SHC3: variants seen among roughly 807,000 people sequenced by gnomAD.
SHC3 encodes the protein SHC-transforming protein 3.
SHC3 carries 15 observed loss-of-function variants against 60.4 expected under a neutral mutation model. The ratio of observed to expected loss-of-function variants is 0.25; its 90% CI spans 0.17 to 0.38. The LOEUF (loss-of-function observed/expected upper bound fraction) is 0.38, where lower values mean the gene tolerates loss of function less well. Among genes scored for constraint, SHC3 ranks in the 10% least tolerant of loss-of-function variants. The pLI, the probability that SHC3 is intolerant of heterozygous loss-of-function variation, is 1.00. For missense variants in SHC3, 677 were observed against 786.1 expected (o/e 0.86, Z 1.66); for synonymous variants, 294 against 325.9 (o/e 0.90, Z 1.05).
intron 2 of SHC3, among the ~76,000 whole-genome samples, chr9:89,108,851 C>G (rs1308720173): frequency 6.6e-6 from 1 of 152,174 alleles, no homozygotes; most frequent in Non-Finnish European, 1.5e-5. Flanking sequence ...GCAGCCAATT[C>G]ATGTCCACTT....
At chr9:89,139,475 G>A (rs754673538) in intron 1 of SHC3, among the ~76,000 whole-genome samples, 1 of 152,162 alleles carries the variant, frequency 6.6e-6, no homozygotes, top group Non-Finnish European at 1.5e-5. Context: ...GTGAAACTCT[G>A]TTCCATAGAA....
Position 89,075,159 on chromosome 9 carries a change from G to C in SHC3, c.679C>G (p.Leu227Val). The change falls in exon 4 of 12, where the codon CTG (leucine) becomes GTG (valine). Residue 227 changes from leucine to valine, a missense_variant. Leu to Val is a conservative substitution (Grantham distance 32). Transcript: ENST00000375835. Reference protein sequence around the residue: ...NLQFAGMSISLTISTASLNLR... With the variant: ...NLQFAGMSISVTISTASLNLR... Reference sequence around the variant, plus strand: ...TTCAGACTGGCCGTGGAGATGGTCAGAGAGATGCTCATTCCCGCAAACTGG... The same window carrying C: ...TTCAGACTGGCCGTGGAGATGGTCACAGAGATGCTCATTCCCGCAAACTGG... 1 of 1,614,066 alleles carries C rather than the reference G, an allele frequency of 6.2e-7. No individual in the cohort carries two copies. The highest frequency in any genetic ancestry group is 8.5e-7 in the Non-Finnish European group (1 of 1,179,942).
At chr9:89,060,787 A>G (rs1825075599) in intron 6 of SHC3, among the ~76,000 whole-genome samples, 1 of 151,996 alleles carries the variant, frequency 6.6e-6, no homozygotes, top group Non-Finnish European at 1.5e-5. Context: ...AGAGTGACTG[A>G]TGATTAATTA....
At chr9:89,030,868 T>C (rs1445566150) in intron 11 of SHC3, among the ~76,000 whole-genome samples, 1 of 152,234 alleles carries the variant, frequency 6.6e-6, no homozygotes, top group Admixed American at 6.5e-5. Flanking sequence ...ATTTGGCTTT[T>C]GCTTCCTTCT....
chr9:89,129,621 G>A (rs1250686224), intron 1 of SHC3, among the ~76,000 whole-genome samples: 1 of 152,148 alleles, frequency 6.6e-6, no homozygotes, highest in African/African-American at 2.4e-5. Context: ...TTAAAGAAAA[G>A]GATTTTCAAC....
At chr9:89,078,186 T>G (rs1168758689) in intron 2 of SHC3, among the ~76,000 whole-genome samples, 2 of 152,114 alleles carry the variant, frequency 1.3e-5, no homozygotes, top group Admixed American at 1.3e-4. Context: ...TTTTTTTTTT[T>G]TTTACATTTT....
intron 6 of SHC3, among the ~76,000 whole-genome samples, chr9:89,064,236 C>T (rs999796907): frequency 3.9e-5 from 6 of 152,114 alleles, no homozygotes; most frequent in East Asian, 1.9e-4. Flanking sequence ...TTGGGGGTGA[C>T]GTGAATATTC....
chr9:89,100,640 AC>A (rs1825769430), intron 2 of SHC3, among the ~76,000 whole-genome samples: 1 of 152,044 alleles, frequency 6.6e-6, no homozygotes, highest in Non-Finnish European at 1.5e-5. Flanking sequence ...AATCAATATC[AC>A]TTTTCCCCAC....
intron 2 of SHC3, among the ~76,000 whole-genome samples, chr9:89,090,487 G>A (rs925967324): frequency 6.6e-6 from 1 of 152,220 alleles, no homozygotes; most frequent in Non-Finnish European, 1.5e-5. Flanking sequence ...AGAATGCTGA[G>A]GTCAGTGTGA....
intron 1 of SHC3, among the ~76,000 whole-genome samples, chr9:89,113,178 TC>T (rs1825974726): frequency 6.6e-6 from 1 of 152,222 alleles, no homozygotes; most frequent in Non-Finnish European, 1.5e-5. Flanking sequence ...GTTTACCAGA[TC>T]TTCTGCATGA....
chr9:89,069,860 T>G (rs1825241927), intron 5 of SHC3, among the ~76,000 whole-genome samples: 1 of 152,250 alleles, frequency 6.6e-6, no homozygotes, highest in Non-Finnish European at 1.5e-5. Flanking sequence ...GGAGTCTACC[T>G]TTGACATTGC....
intron 6 of SHC3, among the ~76,000 whole-genome samples, chr9:89,059,448 G>A (rs963719864): frequency 4.0e-5 from 6 of 149,364 alleles, no homozygotes; most frequent in African/African-American, 1.5e-4. Context: ...GGACAGTGGT[G>A]TTAGGACGTG....
chr9:89,139,091 C>A (rs1213149670), intron 1 of SHC3, among the ~76,000 whole-genome samples: 1 of 152,164 alleles, frequency 6.6e-6, no homozygotes. Context: ...ACTGTTGGAA[C>A]CAGGCTGATA....
intron 6 of SHC3, among the ~76,000 whole-genome samples, chr9:89,062,596 G>A (rs1276325237): frequency 6.6e-6 from 1 of 152,178 alleles, no homozygotes; most frequent in East Asian, 1.9e-4. Context: ...AGCATCGAGG[G>A]ACTTGAACCC....
rs544955803 is a variant in SHC3 at position 89,100,991 on chromosome 9, TA to T, written c.545+11564del. On this transcript the variant is annotated intron_variant, in intron 2 of 11. Transcript: ENST00000375835. ...TTTTACTGGAATTGTGTTAAATCTA[TA>T]AATCAATTTGGAAAGGTTTTGACAT... is the stretch of plus-strand genomic sequence containing the variant. 1.9e-3 allele frequency among the ~76,000 whole-genome samples: 289 copies of T among 152,332 alleles called. 4 individuals carry two copies. The highest frequency in any genetic ancestry group is 6.5e-3 in the African/African-American group (270 of 41,592).
rs34601277 is a variant in SHC3, at chr9:89,035,851, ATGTGTGTGTGTGTGTGTG to A, written c.1656+2124_1656+2141del. On this transcript the variant is annotated intron_variant, in intron 11 of 11. Transcript: ENST00000375835. ...ACAAAATATATATATATATATATAG[ATGTGTGTGTGTGTGTGTG>A]TGTGTGTGTGTGTGTGTGTGTATTG... is the stretch of plus-strand genomic sequence containing the variant. Among the ~76,000 whole-genome samples, 3 of 128,550 alleles carry A rather than the reference ATGTGTGTGTGTGTGTGTG, an allele frequency of 2.3e-5. No homozygotes were observed. In the South Asian group the frequency reaches 7.9e-4, roughly 34 times the overall value. 84.3% of individuals were successfully genotyped at this position (128,550 alleles called of 152,430 possible).
At chr9:89,056,947 T>G (rs1824962403) in intron 6 of SHC3, among the ~76,000 whole-genome samples, 1 of 152,188 alleles carries the variant, frequency 6.6e-6, no homozygotes, top group Non-Finnish European at 1.5e-5. Flanking sequence ...ACTTCATGGG[T>G]CCCAGGTGCT....
rs535986567 is a variant in SHC3, at chr9:89,124,103, T to A, written c.475-11477A>T. The stretch of plus-strand genomic sequence containing the variant: ...TGAAAAAAAAAAAGCTCATCATCAC[T>A]GGTCATCAGGGAAATGCAAATCAAA... On this transcript the variant is annotated intron_variant, in intron 1 of 11. Coordinates refer to ENST00000375835, the MANE Select transcript of SHC3 (RefSeq NM_016848.6). Among the ~76,000 whole-genome samples, 4 of 151,574 alleles carry A rather than the reference T, an allele frequency of 2.6e-5. No homozygotes were observed. In the East Asian group the frequency reaches 7.7e-4, roughly 29 times the overall value.
intron 1 of SHC3, among the ~76,000 whole-genome samples, chr9:89,121,649 T>G (rs1236743925): frequency 1.3e-5 from 2 of 152,224 alleles, no homozygotes; most frequent in Non-Finnish European, 2.9e-5. Flanking sequence ...GTTGTGATAC[T>G]GCACTAGTGT....
Sources: gnomAD v4.1 joint callset for allele counts (sites outside exome capture counted in the v4.1 genomes callset) on GRCh38, gnomAD v4.1.1 for gene constraint, MANE v1.5 for transcripts, NCBI Gene and HGNC (gene_info 2026-07-23, HGNC 2026-07-21) for gene names.